MOB4: variants seen among roughly 807,000 people sequenced by gnomAD.
The protein encoded by MOB4 is MOB family member 4, phocein, also known as MOB-like protein phocein.
Under a neutral mutation model 32.2 loss-of-function variants are expected in MOB4, and 4 were observed. That is an observed-to-expected ratio of 0.12 (90% CI 0.06 to 0.28). The LOEUF (loss-of-function observed/expected upper bound fraction) is 0.28, where lower values mean the gene tolerates loss of function less well. Ranked by LOEUF, MOB4 falls within the 10% of genes least tolerant of loss-of-function variation. The pLI is 1.00. For synonymous variants in MOB4, 88 were observed against 88.1 expected, an observed-to-expected ratio of 1.00 and a Z score of 0.01; for missense variants, 158 against 271.2, an observed-to-expected ratio of 0.58 and a Z score of 2.93.
intron 2 of MOB4, among the ~76,000 whole-genome samples, chr2:197,534,992 A>G (rs1178462092): frequency 6.6e-6 from 1 of 152,178 alleles, no homozygotes; most frequent in Non-Finnish European, 1.5e-5. Context: ...TAGACACTTC[A>G]TATAAACCAA....
At chr2:197,531,629 G>A (rs2086706583) in intron 2 of MOB4, among the ~76,000 whole-genome samples, 1 of 152,006 alleles carries the variant, frequency 6.6e-6, no homozygotes, top group African/African-American at 2.4e-5. Flanking sequence ...GCAGTGGCAT[G>A]ATCTTGGCTC....
At chr2:197,519,808 T>A (rs994807944) in intron 1 of MOB4, among the ~76,000 whole-genome samples, 2 of 152,218 alleles carry the variant, frequency 1.3e-5, no homozygotes, top group Admixed American at 1.3e-4. Context: ...TTAGTTTTTT[T>A]AAAAAGGAAA....
chr2:197,527,042 G>A (rs2086622337), intron 2 of MOB4, among the ~76,000 whole-genome samples: 1 of 152,082 alleles, frequency 6.6e-6, no homozygotes, highest in African/African-American at 2.4e-5. Flanking sequence ...TCTTGCCTCG[G>A]CTGGGATTAC....
intron 5 of MOB4, 91 bp downstream of exon 5, chr2:197,540,528 T>G (rs2086878904): frequency 8.2e-7 from 1 of 1,212,420 alleles, no homozygotes; most frequent in Non-Finnish European, 1.1e-6. Flanking sequence ...GGGTTTTTAG[T>G]TCACTGTTCA....
chr2:197,526,766 T>C (rs1169425842), intron 2 of MOB4, among the ~76,000 whole-genome samples: 1 of 152,222 alleles, frequency 6.6e-6, no homozygotes, highest in Admixed American at 6.6e-5. Flanking sequence ...TTTCCTTTCT[T>C]TATTGAATGG....
intron 5 of MOB4, among the ~76,000 whole-genome samples, chr2:197,546,600 G>C (rs904837836): frequency 2.6e-5 from 4 of 151,684 alleles, no homozygotes; most frequent in African/African-American, 4.8e-5. Context: ...GCATTTCCCT[G>C]TGTTGCCTAG....
At chr2:197,527,484 A>T (rs1029156322) in intron 2 of MOB4, among the ~76,000 whole-genome samples, 2 of 152,224 alleles carry the variant, frequency 1.3e-5, no homozygotes, top group Admixed American at 6.5e-5. Flanking sequence ...TTATGTGTTC[A>T]TCTTGTATTC....
At chr2:197,525,288 C>T (rs2086591752) in intron 2 of MOB4, among the ~76,000 whole-genome samples, 1 of 149,166 alleles carries the variant, frequency 6.7e-6, no homozygotes, top group Non-Finnish European at 1.5e-5. Context: ...AGTGAGCCTG[C>T]AGTGAGCCGA....
chr2:197,530,781 T>C (rs1411528176), intron 2 of MOB4, among the ~76,000 whole-genome samples: 2 of 152,070 alleles, frequency 1.3e-5, no homozygotes, highest in African/African-American at 4.8e-5. Context: ...TTATGTTTTG[T>C]AGAGATGGGC....
intron 2 of MOB4, among the ~76,000 whole-genome samples, chr2:197,528,616 C>CTTTTTTTT (rs60927398): frequency 7.6e-6 from 1 of 131,686 alleles, no homozygotes; most frequent in Non-Finnish European, 1.6e-5. Context: ...TTTTCTTTTT[C>CTTTTTTTT]TTTTTTTTTT....
chr2:197,549,215 C>T (rs572107482), intron 6 of MOB4, among the ~76,000 whole-genome samples: 46 of 151,710 alleles, frequency 3.0e-4, no homozygotes, highest in African/African-American at 9.9e-4. Flanking sequence ...GCAACAAGAG[C>T]GAAACTGTCT....
At chr2:197,544,768 G>T (rs1164450273) in intron 5 of MOB4, among the ~76,000 whole-genome samples, 2 of 150,866 alleles carry the variant, frequency 1.3e-5, no homozygotes, top group African/African-American at 4.9e-5. Context: ...AAAAAAAAGG[G>T]TCAAAATGGA....
intron 2 of MOB4, among the ~76,000 whole-genome samples, chr2:197,527,933 G>T (rs1484222559): frequency 6.6e-6 from 1 of 151,978 alleles, no homozygotes; most frequent in Non-Finnish European, 1.5e-5. Flanking sequence ...TTGCATTGTT[G>T]TTGTTTTTTT....
chr2:197,543,550 A>T (rs921296698), intron 5 of MOB4, among the ~76,000 whole-genome samples: 6 of 152,210 alleles, frequency 3.9e-5, no homozygotes, highest in African/African-American at 1.2e-4. Flanking sequence ...GATACATGCT[A>T]CAACACAGAT....
At chr2:197,546,552 T>C (rs2086996846) in intron 5 of MOB4, among the ~76,000 whole-genome samples, 1 of 152,090 alleles carries the variant, frequency 6.6e-6, no homozygotes, top group East Asian at 1.9e-4. Flanking sequence ...AGTGCCACCA[T>C]GTCTGGCTAA....
intron 2 of MOB4, among the ~76,000 whole-genome samples, chr2:197,529,016 C>G (rs907179712): frequency 2.6e-4 from 39 of 151,072 alleles, no homozygotes; most frequent in Non-Finnish European, 5.2e-4. Flanking sequence ...GACTGGAGTG[C>G]AGTGGCGCGA....
chr2:197,531,987 G>A (rs1325804245), intron 2 of MOB4, among the ~76,000 whole-genome samples: 1 of 152,086 alleles, frequency 6.6e-6, no homozygotes, highest in Admixed American at 6.6e-5. Flanking sequence ...GCTGCTCAGA[G>A]CAACCTCCAC....
intron 1 of MOB4, among the ~76,000 whole-genome samples, chr2:197,523,215 C>T (rs994288268): frequency 3.3e-5 from 5 of 151,814 alleles, no homozygotes; most frequent in Admixed American, 2.0e-4. Flanking sequence ...TTTATGGGAG[C>T]TGTATTTGAG....
intron 2 of MOB4, among the ~76,000 whole-genome samples, chr2:197,530,115 G>A (rs186445051): frequency 2.0e-5 from 3 of 152,000 alleles, no homozygotes; most frequent in Non-Finnish European, 2.9e-5. Flanking sequence ...GATAACAGGC[G>A]CCTGCCACCG....
Sources: allele counts gnomAD v4.1 joint callset (sites outside exome capture counted in the v4.1 genomes callset), GRCh38; gene constraint gnomAD v4.1.1; transcripts MANE v1.5; gene names NCBI Gene and HGNC (gene_info 2026-07-23, HGNC 2026-07-21).